The following TTLL12 variants were observed in gnomAD, a reference collection of about 807,000 sequenced individuals.
TTLL12 encodes the protein tubulin--tyrosine ligase-like protein 12.
In TTLL12, 77 loss-of-function variants were observed where a neutral mutation model predicts 79.6. The ratio of observed to expected loss-of-function variants is 0.97; its 90% CI spans 0.81 to 1.17. The LOEUF (loss-of-function observed/expected upper bound fraction) is 1.17, where lower values mean the gene tolerates loss of function less well. TTLL12 is among the 50% of genes most tolerant of loss of function. TTLL12 has a pLI of 0.00. For missense variants in TTLL12, 969 were observed against 895.9 expected (o/e 1.08, Z -1.04); for synonymous variants, 437 against 376.1 (o/e 1.16, Z -1.87).
Position 43,168,768 on chromosome 22 carries a change from T to C in TTLL12, c.1783+6A>G. The C allele has an allele frequency of 5.1e-6, 8 of 1,553,398 alleles. No individual in the cohort carries two copies. The highest frequency in any genetic ancestry group is 2.4e-5 in the East Asian group (1 of 41,096). ...TTTGGATCAGGAGATGGGGAGCCCCTCTTACCATCTGGGCCGTTGTCCCAC... is the reference window on the plus strand; with the variant it reads ...TTTGGATCAGGAGATGGGGAGCCCCCCTTACCATCTGGGCCGTTGTCCCAC... On this transcript the variant is annotated splice_donor_region_variant and intron_variant, in intron 13 of 13. Transcript: ENST00000216129.
chr22:43,173,245 C>G (rs1160267171), intron 9 of TTLL12, among the ~76,000 whole-genome samples: 1 of 152,192 alleles, frequency 6.6e-6, no homozygotes, highest in Non-Finnish European at 1.5e-5. Context: ...GGCTCAGCCA[C>G]CTCACCCTGC....
chr22:43,174,612 G>C lies in TTLL12; in HGVS notation c.921C>G (p.Val307=), dbSNP rs772051306. The C allele has an allele frequency of 1.9e-6, 3 of 1,605,674 alleles. No homozygotes were observed. The Admixed American group carries it at 5.0e-5, about 27-fold the overall frequency. Residue 307 remains valine (V), a synonymous_variant, in exon 7 of 14, where the codon GTC becomes GTG. Transcript: ENST00000216129. ...VVHPHGHIFK[V]YTDVQQVASS... ...TGGCCACCTGCTGCACGTCCGTGTA[G>C]ACCCTGTGGGGAGAGCCCGAGCTGG...
intron 10 of TTLL12, 65 bp from the exon 11 acceptor site, chr22:43,171,965 C>T (rs1264009009): frequency 2.8e-6 from 4 of 1,408,132 alleles, no homozygotes; most frequent in Admixed American, 1.9e-5. Context: ...AGGGAGGTGC[C>T]ACCCACTCAG....
chr22:43,173,527 G>A (rs1005749162), intron 9 of TTLL12, among the ~76,000 whole-genome samples, 188 bp downstream of exon 9: 1 of 152,158 alleles, frequency 6.6e-6, no homozygotes, highest in Non-Finnish European at 1.5e-5. Flanking sequence ...ATGTTGCTCA[G>A]GTTGGTTCCA....
chr22:43,168,676 GGACAGCCTGGGGCA>G, intron 13 of TTLL12, 84 bp downstream of exon 13: 1 of 1,492,566 alleles, frequency 6.7e-7, no homozygotes, highest in East Asian at 2.5e-5. Flanking sequence ...TCAAGCCAGA[GGACAGCCTGGGGCA>G]GCTGCCTGCC....
At chr22:43,177,364 CT>C (rs569174944) in intron 5 of TTLL12, among the ~76,000 whole-genome samples, 7 of 151,124 alleles carry the variant, frequency 4.6e-5, no homozygotes, top group South Asian at 4.2e-4. Context: ...AAGACCCTAT[CT>C]TTTTTAAAAA....
chr22:43,180,005 A>C lies in TTLL12; in HGVS notation c.547-5T>G. 6.3e-7 allele frequency: 1 copy of C among 1,587,334 alleles called. No homozygotes were observed. The highest frequency in any genetic ancestry group is 8.6e-7 in the Non-Finnish European group (1 of 1,168,682). On this transcript the variant is annotated splice_polypyrimidine_tract_variant and splice_region_variant and intron_variant, in intron 3 of 13. Transcript: ENST00000216129. ...CGGCATCTTCTCCTCAGCTGTCTGC[A>C]GACAGAGCACATATGGCACCTCTCG...
chr22:43,182,908 G>C, intron 2 of TTLL12, 72 bp downstream of exon 2: 3 of 1,550,598 alleles, frequency 1.9e-6, no homozygotes, highest in African/African-American at 1.3e-5. Flanking sequence ...GGGCCCAGGA[G>C]AATCTGCATT....
intron 2 of TTLL12, among the ~76,000 whole-genome samples, chr22:43,182,307 C>T (rs541150702): frequency 1.1e-3 from 169 of 152,318 alleles, no homozygotes; most frequent in Non-Finnish European, 1.4e-3. Context: ...TCCGTATTTC[C>T]GGGGTGGCTT....
intron 9 of TTLL12, 146 bp from the exon 10 acceptor site, chr22:43,172,700 T>TA: frequency 8.5e-6 from 7 of 818,808 alleles, no homozygotes; most frequent in Non-Finnish European, 1.3e-5. Context: ...TGCTGCAAAG[T>TA]CTTTTTTTTT....
In TTLL12 at chr22:43,168,766, C is replaced by G; in HGVS notation, c.1783+8G>C. 6.4e-7 allele frequency: 1 copy of G among 1,552,764 alleles called. No individual in the cohort carries two copies. Among genetic ancestry groups the G allele is most frequent in the Non-Finnish European group, 8.7e-7 (1 of 1,148,842 alleles). On this transcript the variant is annotated splice_region_variant and intron_variant, in intron 13 of 13. Transcript: ENST00000216129. ...GGTTTGGATCAGGAGATGGGGAGCC[C>G]CTCTTACCATCTGGGCCGTTGTCCC...
rs1932206717 is a variant in TTLL12 at position 43,187,095 on chromosome 22, G to A, written c.-26C>T. ...GGCGCCAGCACCCGCGCCGACTCCA[G>A]CGCCGCCACCGCCGCCGCCGCCCGC... is the stretch of plus-strand genomic sequence containing the variant. On this transcript the variant is annotated 5_prime_UTR_variant, in exon 1 of 14. Transcript: ENST00000216129. 6 of 1,112,952 alleles carry A rather than the reference G, an allele frequency of 5.4e-6. No individual in the cohort carries two copies. The highest frequency in any genetic ancestry group is 5.5e-6 in the Non-Finnish European group (5 of 914,410). The allele number at this position is 1,112,952 out of a possible 1,614,324, so 68.9% of individuals were successfully genotyped here.
Position 43,187,087 on chromosome 22 carries a change from C to A in TTLL12, c.-18G>T, listed in dbSNP as rs1442429925. ...GCCTCCATGGCGCCAGCACCCGCGC[C>A]GACTCCAGCGCCGCCACCGCCGCCG... On this transcript the variant is annotated 5_prime_UTR_variant, in exon 1 of 14. Coordinates refer to ENST00000216129, the MANE Select transcript of TTLL12 (RefSeq NM_015140.4). 2 of 1,137,852 alleles carry A rather than the reference C, an allele frequency of 1.8e-6. No homozygotes were observed. The highest frequency in any genetic ancestry group is 2.2e-6 in the Non-Finnish European group (2 of 929,574). The allele number at this position is 1,137,852 out of a possible 1,614,324, so 70.5% of individuals were successfully genotyped here.
chr22:43,177,486 A>C (rs547363982), intron 5 of TTLL12, among the ~76,000 whole-genome samples: 102 of 152,316 alleles, frequency 6.7e-4, no homozygotes, highest in African/African-American at 2.4e-3. Context: ...AGTTGCTTCT[A>C]ATGAGCAGGA....
chr22:43,171,498 T>G, intron 11 of TTLL12: 1 of 267,868 alleles, frequency 3.7e-6, no homozygotes, highest in Non-Finnish European at 7.4e-6. Flanking sequence ...GCTTTTCCGG[T>G]TGAAGTGGTG....
intron 6 of TTLL12, among the ~76,000 whole-genome samples, chr22:43,174,904 G>A (rs1001252571): frequency 6.6e-6 from 1 of 152,258 alleles, no homozygotes; most frequent in African/African-American, 2.4e-5. Flanking sequence ...CATAATTTGG[G>A]TGTTTATTAT....
chr22:43,176,398 T>C lies in TTLL12; in HGVS notation c.841-2A>G. 6.2e-7 allele frequency: 1 copy of C among 1,603,746 alleles called. No homozygotes were observed. Among genetic ancestry groups the C allele is most frequent in the Non-Finnish European group, 8.5e-7 (1 of 1,176,302 alleles). ...CTCCTTGTTTTCCTCCAGAATGGCC[T>C]AAAAGGAAACACACCGGAAGTAGAG... is the stretch of plus-strand genomic sequence containing the variant. On this transcript the variant is annotated splice_acceptor_variant, in intron 5 of 13. Transcript: ENST00000216129. LOFTEE classifies it high-confidence loss of function.
chr22:43,167,204 C>G lies in TTLL12; in HGVS notation c.*804G>C. 1.9e-6 allele frequency: 1 copy of G among 532,032 alleles called. No individual in the cohort carries two copies. Among genetic ancestry groups the G allele is most frequent in the Non-Finnish European group, 3.9e-6 (1 of 259,502 alleles). 33.0% of individuals were successfully genotyped at this position (532,032 alleles called of 1,614,324 possible). A position where few individuals can be genotyped will look rare whatever the true frequency, so the allele number is the denominator to read the frequency against. ...CCACAATCAGCCCCAGCCCCAGGCG[C>G]CCCTTGCCGAAGGATCCTGGCCCAT... On this transcript the variant is annotated 3_prime_UTR_variant, in exon 14 of 14. Transcript: ENST00000216129.
intron 5 of TTLL12, among the ~76,000 whole-genome samples, chr22:43,176,986 G>A (rs912033325): frequency 3.3e-5 from 5 of 152,178 alleles, no homozygotes; most frequent in Admixed American, 2.0e-4. Context: ...CGCAGGGGGC[G>A]AGAAGGTGCC....
Sources: gnomAD v4.1 joint callset for allele counts (sites outside exome capture counted in the v4.1 genomes callset) on GRCh38, gnomAD v4.1.1 for gene constraint, MANE v1.5 for transcripts, NCBI Gene and HGNC (gene_info 2026-07-23, HGNC 2026-07-21) for gene names.